The following CTTN variants were observed in gnomAD, a reference collection of about 807,000 sequenced individuals.
CTTN encodes src substrate cortactin.
Under a neutral mutation model 84.0 loss-of-function variants are expected in CTTN, and 28 were observed. That is an observed-to-expected ratio of 0.33 (90% CI 0.25 to 0.46). The LOEUF is 0.46. CTTN is among the 20% of genes least tolerant of loss of function. The pLI is 1.00. For missense variants in CTTN, 641 were observed against 723.8 expected, an observed-to-expected ratio of 0.89 and a Z score of 1.31; for synonymous variants, 301 against 288.8, an observed-to-expected ratio of 1.04 and a Z score of -0.43.
Position 70,402,241 on chromosome 11 carries a change from A to G in CTTN, c.-97-3024A>G, listed in dbSNP as rs377577036. On this transcript the variant is annotated intron_variant, in intron 1 of 17. Coordinates refer to ENST00000301843, the MANE Select transcript of CTTN (RefSeq NM_005231.4). ...ACGTTTGTGCAATCTTGATTTGTAC[A>G]CTGACGTTTGCAAGGAAGGTTTAAT... is the stretch of plus-strand genomic sequence containing the variant. Among the ~76,000 whole-genome samples the G allele has an allele frequency of 1.2e-4, 18 of 152,362 alleles. No homozygotes were observed. In the East Asian group the frequency reaches 1.9e-3, roughly 16 times the overall value.
chr11:70,429,029 G>A (rs367627397), intron 13 of CTTN, 22 bp from the exon 14 acceptor site: 29 of 1,613,538 alleles, frequency 1.8e-5, no homozygotes, highest in African/African-American at 4.0e-5. Context: ...CAAGGCACAC[G>A]TCCTCCCTCC....
chr11:70,434,063 G>A (rs1191720813), intron 17 of CTTN, among the ~76,000 whole-genome samples: 2 of 152,208 alleles, frequency 1.3e-5, no homozygotes, highest in Non-Finnish European at 2.9e-5. Flanking sequence ...TGAGGGGGCC[G>A]CACAGATGCC....
chr11:70,423,111 CGTGGTG>C, intron 12 of CTTN, 116 bp downstream of exon 12: 4 of 1,260,840 alleles, frequency 3.2e-6, no homozygotes, highest in Non-Finnish European at 4.5e-6. Flanking sequence ...TGATTTCCGT[CGTGGTG>C]GTGGTGGTGG....
intron 15 of CTTN, among the ~76,000 whole-genome samples, chr11:70,432,874 G>C (rs979620113): frequency 2.0e-5 from 3 of 152,144 alleles, no homozygotes; most frequent in Non-Finnish European, 4.4e-5. Flanking sequence ...CTGGAGTGTC[G>C]GTGGTGAGGA....
chr11:70,430,513 C>T (rs923080300), intron 14 of CTTN, among the ~76,000 whole-genome samples: 12 of 152,214 alleles, frequency 7.9e-5, no homozygotes, highest in Non-Finnish European at 1.5e-4. Context: ...CTGCCTCCCT[C>T]CTCTCAGGAC....
At chr11:70,426,122 A>C in intron 13 of CTTN, among the ~76,000 whole-genome samples, 1 of 152,154 alleles carries the variant, frequency 6.6e-6, no homozygotes, top group Non-Finnish European at 1.5e-5. Flanking sequence ...AATTAGAGGA[A>C]TGTGGCCCGG....
intron 5 of CTTN, among the ~76,000 whole-genome samples, chr11:70,413,313 G>T (rs2058116805): frequency 1.3e-5 from 2 of 152,240 alleles, no homozygotes; most frequent in African/African-American, 4.8e-5. Context: ...CACGCCCTCT[G>T]CTGGGCCATG....
chr11:70,411,428 A>C (rs1427719317), intron 5 of CTTN, among the ~76,000 whole-genome samples: 1 of 151,838 alleles, frequency 6.6e-6, no homozygotes, highest in Non-Finnish European at 1.5e-5. Flanking sequence ...GCAGCGAGCG[A>C]AGCGTGTGCA....
chr11:70,414,708 T>C (rs2058137925), intron 6 of CTTN, 56 bp downstream of exon 6: 1 of 1,338,000 alleles, frequency 7.5e-7, no homozygotes, highest in Non-Finnish European at 1.1e-6. Context: ...GCGTTCCCCG[T>C]AGATCTGAGC....
intron 8 of CTTN, among the ~76,000 whole-genome samples, chr11:70,417,751 C>T (rs1237967967): frequency 3.3e-5 from 5 of 152,002 alleles, no homozygotes; most frequent in African/African-American, 9.7e-5. Context: ...CTGCCTTGGC[C>T]TCCCAAAGTG....
chr11:70,418,059 A>G (rs1247620592), intron 8 of CTTN, among the ~76,000 whole-genome samples: 1 of 152,054 alleles, frequency 6.6e-6, no homozygotes, highest in Non-Finnish European at 1.5e-5. Context: ...TGGCCTGCAC[A>G]TTTAAATTTT....
chr11:70,432,835 C>T (rs1419548896), intron 15 of CTTN, among the ~76,000 whole-genome samples: 1 of 152,108 alleles, frequency 6.6e-6, no homozygotes, highest in African/African-American at 2.4e-5. Context: ...TGTCTCCTAA[C>T]CTGCTGTGTG....
At chr11:70,432,360 G>T (rs569705815) in intron 15 of CTTN, among the ~76,000 whole-genome samples, 1 of 152,156 alleles carries the variant, frequency 6.6e-6, no homozygotes, top group African/African-American at 2.4e-5. Flanking sequence ...CTCCCTGCCC[G>T]ATTACTCTCC....
rs150140439 is a variant in CTTN at position 70,423,370 on chromosome 11, T to C, written c.957+375T>C. Among the ~76,000 whole-genome samples, 91 of 152,364 alleles carry C rather than the reference T, an allele frequency of 6.0e-4. No homozygotes were observed. In the South Asian group the frequency reaches 0.013, roughly 22 times the overall value. On this transcript the variant is annotated intron_variant, in intron 12 of 17. Coordinates refer to ENST00000301843, the MANE Select transcript of CTTN (RefSeq NM_005231.4). ...GAGTGTGTTAGACTGCGTGTGGGGC[T>C]ACCTCGCTGGCAGCCAGCGCTGCGT...
intron 1 of CTTN, among the ~76,000 whole-genome samples, chr11:70,402,933 T>C (rs938760682): frequency 1.3e-5 from 2 of 152,210 alleles, no homozygotes; most frequent in Non-Finnish European, 2.9e-5. Flanking sequence ...GTCAGCAGTC[T>C]ATGAGGCTTC....
chr11:70,433,696 C>A lies in CTTN; in HGVS notation c.1494C>A (p.Val498=), dbSNP rs201405333. 4 of 1,613,578 alleles carry A rather than the reference C, an allele frequency of 2.5e-6. No individual in the cohort carries two copies. Among genetic ancestry groups the A allele is most frequent in the Non-Finnish European group, 3.4e-6 (4 of 1,179,674 alleles). Residue 498 remains valine (V), a synonymous_variant, in exon 17 of 18, where the codon GTC becomes GTA. Coordinates refer to ENST00000301843, the MANE Select transcript of CTTN (RefSeq NM_005231.4). ...AGAACGATCTGGGGATCACAGCCGT[C>A]GCCCTGTACGACTACCAGGCTGGTG... ...EYENDLGITA[V]ALYDYQAAGD...
chr11:70,434,250 G>C (rs1349975422), intron 17 of CTTN, among the ~76,000 whole-genome samples: 1 of 152,258 alleles, frequency 6.6e-6, no homozygotes, highest in Non-Finnish European at 1.5e-5. Context: ...CTGTGCTCTG[G>C]TGGCGGTGAG....
chr11:70,435,781 C>G lies in CTTN; in HGVS notation c.*619C>G, dbSNP rs1336538982. 1.9e-6 allele frequency: 3 copies of G among 1,589,538 alleles called. No homozygotes were observed. The highest frequency in any genetic ancestry group is 2.0e-4 in the Middle Eastern group (1 of 4,882). On this transcript the variant is annotated 3_prime_UTR_variant, in exon 18 of 18. Transcript: ENST00000301843. ...CAGAGACCCTGGTTTTTTTCCTGTGCCCACTCCGGCTTGTCCTCATCTCTA... is the reference window on the plus strand; with the variant it reads ...CAGAGACCCTGGTTTTTTTCCTGTGGCCACTCCGGCTTGTCCTCATCTCTA...
intron 11 of CTTN, chr11:70,422,489 T>A: frequency 7.8e-7 from 1 of 1,287,552 alleles, no homozygotes; most frequent in South Asian, 1.2e-5. Context: ...CCACATGGAT[T>A]TTTTTTTTCT....
Sources: allele counts gnomAD v4.1 joint callset (sites outside exome capture counted in the v4.1 genomes callset), GRCh38; gene constraint gnomAD v4.1.1; transcripts MANE v1.5; gene names NCBI Gene and HGNC (gene_info 2026-07-23, HGNC 2026-07-21).